The following GPR132 variants were observed in gnomAD, a reference collection of about 807,000 sequenced individuals.
The protein encoded by GPR132 is probable G protein-coupled receptor 132.
GPR132 carries 4 observed loss-of-function variants against 1.9 expected under a neutral mutation model. The observed-to-expected ratio is 2.13, with a 90% CI of 1.05 to 4.87. The LOEUF is 4.87. Among genes scored for constraint, GPR132 ranks in the 30% most tolerant of loss-of-function variants. GPR132 has a pLI of 0.01. For missense variants in GPR132, 404 were observed against 512.5 expected (o/e 0.79, Z 2.04); for synonymous variants, 233 against 234.2 (o/e 0.99, Z 0.05).
chr14:105,051,277 T>TACA lies in GPR132; in HGVS notation c.857_859dup (p.Leu286dup). 3 of 1,613,896 alleles carry TACA rather than the reference T, an allele frequency of 1.9e-6. No homozygotes were observed. Among genetic ancestry groups the TACA allele is most frequent in the Non-Finnish European group, 2.5e-6 (3 of 1,179,766 alleles). ...GCACAGAAACACCACAGAGGCTGTG[T>TACA]ACAGCCTTTCCTCCAAGCCGCACAT... On this transcript the variant is annotated inframe_insertion, in exon 4 of 4. Transcript: ENST00000329797. The surrounding 1 kb of genome is among the most constrained non-coding windows in gnomAD (Gnocchi z 8.0).
chr14:105,055,524 GC>G lies in GPR132; in HGVS notation c.-105del. On this transcript the variant is annotated 5_prime_UTR_variant, in exon 3 of 4. The change creates a premature stop within an existing upstream ORF in the 5' untranslated region. Coordinates refer to ENST00000329797, the MANE Select transcript of GPR132 (RefSeq NM_013345.4). The surrounding 1 kb of genome is among the most constrained non-coding windows in gnomAD (Gnocchi z 4.7). ...AGCACTCGCTCCGCATTTGCTCCCA[GC>G]CCCCAGGCCTCCATTCCACTTTGTC... The G allele has an allele frequency of 1.3e-6, 1 of 755,716 alleles. No individual in the cohort carries two copies. The highest frequency in any genetic ancestry group is 2.5e-6 in the Non-Finnish European group (1 of 401,468). 46.8% of individuals were successfully genotyped at this position (755,716 alleles called of 1,614,324 possible).
In GPR132 at chr14:105,060,953, G is replaced by A. The variant is rs571005791; in HGVS notation, c.-860-3673C>T. ...GATCCAGGCCTGTATGTTGAGAGCA[G>A]AGACTAGCCAGGGGCAGAGCCGGAG... is the stretch of plus-strand genomic sequence containing the variant. On this transcript the variant is annotated intron_variant, in intron 1 of 3. Coordinates refer to ENST00000329797, the MANE Select transcript of GPR132 (RefSeq NM_013345.4). This position sits in a 1 kb window ranked among gnomAD's most constrained non-coding sequence, Gnocchi z 6.3. Among the ~76,000 whole-genome samples, 5 of 152,176 alleles carry A rather than the reference G, an allele frequency of 3.3e-5. No individual in the cohort carries two copies. Among genetic ancestry groups the A allele is most frequent in the Admixed American group, 2.6e-4 (4 of 15,312 alleles).
At chr14:105,062,817 G>A (rs1168627535) in intron 1 of GPR132, among the ~76,000 whole-genome samples, 3 of 151,030 alleles carry the variant, frequency 2.0e-5, no homozygotes, top group African/African-American at 2.4e-5. Flanking sequence ...CTGGGATTAC[G>A]GTGTGAGCCA....
In GPR132 at chr14:105,051,483, G is replaced by A. The variant is rs1595133782; in HGVS notation, c.654C>T (p.Thr218=). 1.2e-6 allele frequency: 2 copies of A among 1,614,052 alleles called. No individual in the cohort carries two copies. The highest frequency in any genetic ancestry group is 3.3e-5 in the Admixed American group (2 of 60,028). The change falls in exon 4 of 4, where the codon ACC becomes ACT. Residue 218 remains threonine (T), a synonymous_variant. Transcript: ENST00000329797. The surrounding 1 kb of genome is among the most constrained non-coding windows in gnomAD (Gnocchi z 8.0). The part of the protein sequence containing the change: ...FAIPLSIIAF[T]NHRIFRSIKQ... ...TGATGCTCCTGAAAATCCGGTGGTT[G>A]GTGAAGGCGATGATGGAGAGAGGGA...
At chr14:105,063,997 G>A (rs4265748) in intron 1 of GPR132, among the ~76,000 whole-genome samples, 83,901 of 151,778 alleles carry the variant, frequency 0.55, 25,900 homozygotes, top group Non-Finnish European at 0.7. Context: ...GTGCCACCAC[G>A]CCCGGCTAAT....
chr14:105,051,831 G>T lies in GPR132; in HGVS notation c.306C>A (p.Ile102=). The change falls in exon 4 of 4, where the codon ATC becomes ATA. Residue 102 remains isoleucine (I), a synonymous_variant. Transcript: ENST00000329797. This position sits in a 1 kb window ranked among gnomAD's most constrained non-coding sequence, Gnocchi z 8.0. ...CTAGGGTCCAGCGGTGCTGGTTGCG[G>T]ATATAGATGACCCAGAGTGGCAGCG... ...TGTLPLWVIY[I]RNQHRWTLGL... is the part of the protein sequence containing the mutation. The T allele has an allele frequency of 1.9e-6, 3 of 1,614,138 alleles. No individual in the cohort carries two copies. Among genetic ancestry groups the T allele is most frequent in the Non-Finnish European group, 2.5e-6 (3 of 1,180,040 alleles).
chr14:105,055,565 TC>T lies in GPR132; in HGVS notation c.-146del. On this transcript the variant is annotated 5_prime_UTR_variant, in exon 3 of 4. Coordinates refer to ENST00000329797, the MANE Select transcript of GPR132 (RefSeq NM_013345.4). This position sits in a 1 kb window ranked among gnomAD's most constrained non-coding sequence, Gnocchi z 4.7. ...TCCACTTTGTCTCTGTGCGCTGGGC[TC>T]CCCTGTCACCTCCCCACGTGGGTGG... The T allele has an allele frequency of 1.4e-6, 1 of 707,986 alleles. No homozygotes were observed. Among genetic ancestry groups the T allele is most frequent in the South Asian group, 1.6e-5 (1 of 64,260 alleles). The allele number at this position is 707,986 out of a possible 1,614,324, so 43.9% of individuals were successfully genotyped here.
At chr14:105,061,300 G>T (rs1270576820) in intron 1 of GPR132, among the ~76,000 whole-genome samples, 1 of 152,234 alleles carries the variant, frequency 6.6e-6, no homozygotes, top group Non-Finnish European at 1.5e-5. Context: ...TTCCCTGCCG[G>T]ACAGGCCCAC....
rs147551162 is a variant in GPR132, at chr14:105,054,401, GC to G, written c.34+985del. The G allele has an allele frequency of 1.8e-3, 1,778 of 984,184 alleles. 31 individuals are homozygous for G. The African/African-American group carries it at 0.029, about 16-fold the overall frequency. 61.0% of individuals were successfully genotyped at this position (984,184 alleles called of 1,614,324 possible). On this transcript the variant is annotated intron_variant, in intron 3 of 3. Transcript: ENST00000329797. ...CACCCCGAACGGGGTCAGCCCTGCG[GC>G]CCCATTGTGTCGCTCTTTTTTTTTC...
rs996377446 is a variant in GPR132 at position 105,060,884 on chromosome 14, C to G, written c.-860-3604G>C. On this transcript the variant is annotated intron_variant, in intron 1 of 3. Transcript: ENST00000329797. The surrounding 1 kb of genome is among the most constrained non-coding windows in gnomAD (Gnocchi z 6.3). ...GCAGTGGAAATGCACGCTCCCCTCC[C>G]GGGCCCCAGCCGCAGGCAGAGGCTC... Among the ~76,000 whole-genome samples the G allele has an allele frequency of 6.6e-6, 1 of 152,274 alleles. No homozygotes were observed. Among genetic ancestry groups the G allele is most frequent in the Non-Finnish European group, 1.5e-5 (1 of 68,050 alleles).
rs574827939 is a variant in GPR132, at chr14:105,059,359, C to T, written c.-860-2079G>A. Among the ~76,000 whole-genome samples, 3 of 152,326 alleles carry T rather than the reference C, an allele frequency of 2.0e-5. No individual in the cohort carries two copies. The highest frequency in any genetic ancestry group is 4.4e-5 in the Non-Finnish European group (3 of 68,034). On this transcript the variant is annotated intron_variant, in intron 1 of 3. Transcript: ENST00000329797. This position sits in a 1 kb window ranked among gnomAD's most constrained non-coding sequence, Gnocchi z 4.2. ...GGCTCTGGGCCAGCAGGTGGGGCTG[C>T]CTGTGTGTTGACATCCCCAGCTGCC...
intron 3 of GPR132, chr14:105,053,991 G>A (rs1886718161): frequency 7.9e-7 from 1 of 1,259,102 alleles, no homozygotes; most frequent in Non-Finnish European, 1.0e-6. Context: ...GGTTGCTAGA[G>A]GTCACGCAGG....
intron 1 of GPR132, among the ~76,000 whole-genome samples, chr14:105,058,540 C>T (rs751770509): frequency 3.3e-5 from 5 of 152,244 alleles, no homozygotes; most frequent in African/African-American, 7.2e-5. Context: ...TGCCCGTACA[C>T]GGGACTGACG....
In GPR132 at chr14:105,056,033, C is replaced by A; in HGVS notation, c.-613G>T. ...TTCCGTCTCATCTCGTGGGGTGCCT[C>A]CGCGCTGTTCTCCACGGTGGTGGCG... is the stretch of plus-strand genomic sequence containing the variant. On this transcript the variant is annotated 5_prime_UTR_variant, in exon 3 of 4. Transcript: ENST00000329797. This position sits in a 1 kb window ranked among gnomAD's most constrained non-coding sequence, Gnocchi z 6.0. 1 of 548,352 alleles carries A rather than the reference C, an allele frequency of 1.8e-6. No individual in the cohort carries two copies. The highest frequency in any genetic ancestry group is 2.3e-6 in the Non-Finnish European group (1 of 430,322). The allele number at this position is 548,352 out of a possible 1,614,324, so 34.0% of individuals were successfully genotyped here. A position where few individuals can be genotyped will look rare whatever the true frequency, so the allele number is the denominator to read the frequency against.
Position 105,051,384 on chromosome 14 carries a change from G to A in GPR132, c.753C>T (p.Phe251=), listed in dbSNP as rs185757500. 6 of 1,614,054 alleles carry A rather than the reference G, an allele frequency of 3.7e-6. No homozygotes were observed. The Admixed American group carries it at 6.7e-5, about 18-fold the overall frequency. Residue 251 remains phenylalanine (F), a synonymous_variant, in exon 4 of 4, where the codon TTC becomes TTT. Transcript: ENST00000329797. This position sits in a 1 kb window ranked among gnomAD's most constrained non-coding sequence, Gnocchi z 8.0. ...GGTGGTACGGGGCGAAGCAGACTAG[G>A]AAGATGACAACCACCGCGATGGCCG... is the stretch of plus-strand genomic sequence containing the variant. The part of the protein sequence containing the change: ...KHSAIAVVVI[F]LVCFAPYHLV...
rs1887058535 is a variant in GPR132, at chr14:105,065,401, A to T, written c.-883T>A. On this transcript the variant is annotated 5_prime_UTR_variant, in exon 1 of 4. Transcript: ENST00000329797. The stretch of plus-strand genomic sequence containing the variant: ...TACCCAGGGCCCCGCCTGCGTGGCT[A>T]GCCTCGCACCCCTCCCTGCAGTCCT... The T allele has an allele frequency of 6.6e-6, 1 of 152,266 alleles. No homozygotes were observed. Among genetic ancestry groups the T allele is most frequent in the African/African-American group, 2.4e-5 (1 of 41,416 alleles). The allele number at this position is 152,266 out of a possible 1,614,324, so 9.4% of individuals were successfully genotyped here.
At chr14:105,057,871 T>C (rs1219967867) in intron 1 of GPR132, 1 of 152,114 alleles carries the variant, frequency 6.6e-6, no homozygotes, top group African/African-American at 2.4e-5. Flanking sequence ...GTATTTTTAG[T>C]AGAGACGGGG....
rs1192421512 is a variant in GPR132, at chr14:105,060,425, G to T, written c.-860-3145C>A. On this transcript the variant is annotated intron_variant, in intron 1 of 3. Transcript: ENST00000329797. The surrounding 1 kb of genome is among the most constrained non-coding windows in gnomAD (Gnocchi z 6.3). ...GTTCCTTCTGAGCCCCGGGGGTGTG[G>T]GGGGCCCGACCAGCCTCACACTGGG... is the stretch of plus-strand genomic sequence containing the variant. Among the ~76,000 whole-genome samples, 1 of 152,118 alleles carries T rather than the reference G, an allele frequency of 6.6e-6. No homozygotes were observed. The highest frequency in any genetic ancestry group is 1.9e-4 in the East Asian group (1 of 5,184).
At chr14:105,062,603 C>T (rs7145885) in intron 1 of GPR132, among the ~76,000 whole-genome samples, 78,808 of 143,986 alleles carry the variant, frequency 0.55, 24,454 homozygotes, top group Non-Finnish European at 0.7. Context: ...TAAAGTGGCG[C>T]GATCTTGGCT....
Sources: gnomAD v4.1 joint callset for allele counts (sites outside exome capture counted in the v4.1 genomes callset) on GRCh38, gnomAD v4.1.1 for gene constraint, Gnocchi (gnomAD v3.1) non-coding constraint, MANE v1.5 for transcripts, NCBI Gene and HGNC (gene_info 2026-07-23, HGNC 2026-07-21) for gene names.